Variants in CFAP298 observed in about 807,000 individuals in gnomAD.
The protein encoded by CFAP298 is cilia- and flagella-associated protein 298.
In CFAP298, 38 loss-of-function variants were observed where a neutral mutation model predicts 41.0. The observed-to-expected ratio is 0.93, with a 90% CI of 0.72 to 1.22. CFAP298 has a LOEUF of 1.22. Ranked by LOEUF, CFAP298 falls within the 50% of genes most tolerant of loss-of-function variation. The pLI is 0.00. For synonymous variants in CFAP298, 137 were observed against 135.3 expected (o/e 1.01, Z -0.09); for missense variants, 348 against 360.3 (o/e 0.97, Z 0.28).
intron 2 of CFAP298, 92 bp from the exon 3 acceptor site, chr21:32,607,808 T>C (rs1237338085): frequency 2.6e-6 from 2 of 766,652 alleles, no homozygotes; most frequent in African/African-American, 1.8e-5. Context: ...AGTCAGGGGG[T>C]AAATGAACTG....
At chr21:32,609,639 C>A (rs2038944084) in intron 2 of CFAP298, among the ~76,000 whole-genome samples, 199 bp downstream of exon 2, 1 of 152,170 alleles carries the variant, frequency 6.6e-6, no homozygotes, top group African/African-American at 2.4e-5. Context: ...GTGGCACATG[C>A]CTGTAGTCCC....
intron 3 of CFAP298, among the ~76,000 whole-genome samples, chr21:32,605,023 AC>A (rs1390182076): frequency 6.6e-6 from 1 of 152,230 alleles, no homozygotes; most frequent in African/African-American, 2.4e-5. Context: ...TACTAAAAAT[AC>A]AAAAATTAGC....
At chr21:32,609,438 G>A (rs910625140) in intron 2 of CFAP298, among the ~76,000 whole-genome samples, 13 of 152,200 alleles carry the variant, frequency 8.5e-5, no homozygotes, top group Non-Finnish European at 1.5e-5. Context: ...ACAGAGTACA[G>A]TATTTTGTAA....
Position 32,602,299 on chromosome 21 carries a change from GTACAGCATCAGCTGCTTCTGCTCCTCAC to G in CFAP298, c.707_734del (p.Ser236ThrfsTer21). On this transcript the variant is annotated frameshift_variant, in exon 6 of 7. Transcript: ENST00000290155. LOFTEE classifies it high-confidence loss of function. The stretch of plus-strand genomic sequence containing the variant: ...TGAGCTCCTCTTGTCTTCTGTGATA[GTACAGCATCAGCTGCTTCTGCTCCTCAC>G]TGCTAATAATAGGCTCTCGGGCTGG... 1 of 1,614,054 alleles carries G rather than the reference GTACAGCATCAGCTGCTTCTGCTCCTCAC, an allele frequency of 6.2e-7. No homozygotes were observed.
rs2038896507 is a variant in CFAP298, at chr21:32,607,636, T to TAA, written c.375+11_375+12dup. On this transcript the variant is annotated intron_variant, in intron 3 of 6. Transcript: ENST00000290155. ...ACCCAACAAGTTTTAGTGCATCATTTAAAAAAGCCAACCTTAGATATTATT... is the reference window on the plus strand; with the variant it reads ...ACCCAACAAGTTTTAGTGCATCATTTAAAAAAAAGCCAACCTTAGATATTATT... The TAA allele has an allele frequency of 6.6e-7, 1 of 1,518,402 alleles. No individual in the cohort carries two copies. The highest frequency in any genetic ancestry group is 1.4e-5 in the African/African-American group (1 of 70,658). The allele number at this position is 1,518,402 out of a possible 1,614,324, so 94.1% of individuals were successfully genotyped here.
intron 5 of CFAP298, chr21:32,602,801 C>T (rs2038773871): frequency 5.1e-6 from 7 of 1,362,618 alleles, no homozygotes; most frequent in African/African-American, 1.5e-5. Context: ...AACCTTTCCT[C>T]CTCCCCCTCC....
At chr21:32,606,883 A>C (rs999004496) in intron 3 of CFAP298, among the ~76,000 whole-genome samples, 3 of 152,198 alleles carry the variant, frequency 2.0e-5, no homozygotes, top group African/African-American at 7.2e-5. Context: ...CAATGGTATA[A>C]ATTTACGCTC....
Position 32,601,067 on chromosome 21 carries a change from TTAAAGAAGGCTACAGTTAGACCCC to T in CFAP298, c.*772_*795del. ...GCTACAGTTAGACCCCGCAGCAGGG[TTAAAGAAGGCTACAGTTAGACCCC>T]GCAGCAGGGTTAGAGAAGTCTCTCC... On this transcript the variant is annotated 3_prime_UTR_variant, in exon 7 of 7. Coordinates refer to ENST00000290155, the MANE Select transcript of CFAP298 (RefSeq NM_021254.4). 6.6e-6 allele frequency among the ~76,000 whole-genome samples: 1 copy of T among 151,128 alleles called. No individual in the cohort carries two copies. The highest frequency in any genetic ancestry group is 2.5e-5 in the African/African-American group (1 of 40,686).
chr21:32,599,904 C>A lies in CFAP298; in HGVS notation c.*1959G>T, dbSNP rs1275777713. 6.6e-6 allele frequency among the ~76,000 whole-genome samples: 1 copy of A among 152,164 alleles called. No individual in the cohort carries two copies. The stretch of plus-strand genomic sequence containing the variant: ...GGTATTTAAGGAGTGTAGTGTCATG[C>A]GTGAGTGACTTTTTGGTTAGTAAGT... On this transcript the variant is annotated 3_prime_UTR_variant, in exon 7 of 7. Transcript: ENST00000290155.
intron 1 of CFAP298, among the ~76,000 whole-genome samples, chr21:32,610,387 TAG>T (rs1190751919): frequency 6.6e-6 from 1 of 152,290 alleles, no homozygotes; most frequent in East Asian, 1.9e-4. Flanking sequence ...GTATTTTTAG[TAG>T]AGACTGGGTT....
At chr21:32,607,849 G>C in intron 2 of CFAP298, 133 bp from the exon 3 acceptor site, 1 of 585,822 alleles carries the variant, frequency 1.7e-6, no homozygotes, top group Non-Finnish European at 3.0e-6. Context: ...ATTTAGGGAA[G>C]AGAAGCAAGA....
In CFAP298 at chr21:32,601,236, T is replaced by TA. The variant is rs1013900100; in HGVS notation, c.*626dup. On this transcript the variant is annotated 3_prime_UTR_variant, in exon 7 of 7. Transcript: ENST00000290155. ...CTGCCAGTCATCAGCTTTCCTCCAA[T>TA]AAACCAGTTATCATGAGAATATAAA... is the stretch of plus-strand genomic sequence containing the variant. Among the ~76,000 whole-genome samples, 4 of 137,226 alleles carry TA rather than the reference T, an allele frequency of 2.9e-5. No homozygotes were observed. The highest frequency in any genetic ancestry group is 1.1e-4 in the African/African-American group (4 of 37,238). 90.0% of individuals were successfully genotyped at this position (137,226 alleles called of 152,430 possible).
At chr21:32,602,072 C>G (rs2038753860) in intron 6 of CFAP298, 99 bp from the exon 7 acceptor site, 1 of 904,216 alleles carries the variant, frequency 1.1e-6, no homozygotes, top group Non-Finnish European at 1.8e-6. Context: ...CCCCCTCTCC[C>G]TGCCCTCTAG....
rs1181224292 is a variant in CFAP298, at chr21:32,600,071, TTCTTACAAG to T, written c.*1783_*1791del. Among the ~76,000 whole-genome samples the T allele has an allele frequency of 6.6e-6, 1 of 152,182 alleles. No individual in the cohort carries two copies. Among genetic ancestry groups the T allele is most frequent in the South Asian group, 2.1e-4 (1 of 4,826 alleles). ...ATGATCACATGGCTTGGTTAACTGT[TTCTTACAAG>T]TCTGAGCATGAATTTAACACACACG... On this transcript the variant is annotated 3_prime_UTR_variant, in exon 7 of 7. Coordinates refer to ENST00000290155, the MANE Select transcript of CFAP298 (RefSeq NM_021254.4).
At chr21:32,611,566 C>G (rs951968985) in intron 1 of CFAP298, among the ~76,000 whole-genome samples, 48 of 151,892 alleles carry the variant, frequency 3.2e-4, no homozygotes, top group African/African-American at 1.1e-3. Flanking sequence ...GAAAGTTCTG[C>G]GGCAAAGCGG....
In CFAP298 at chr21:32,601,783, CCTTT is replaced by C. The variant is rs1224068141; in HGVS notation, c.*76_*79del. 1 of 734,754 alleles carries C rather than the reference CCTTT, an allele frequency of 1.4e-6. No individual in the cohort carries two copies. Among genetic ancestry groups the C allele is most frequent in the Non-Finnish European group, 2.3e-6 (1 of 428,376 alleles). The allele number at this position is 734,754 out of a possible 1,614,324, so 45.5% of individuals were successfully genotyped here. ...ATCTTTTACAGAGGGCAGTAAGTGG[CCTTT>C]TTTTTTTTTTTAAATTATAATTGCC... On this transcript the variant is annotated 3_prime_UTR_variant, in exon 7 of 7. Transcript: ENST00000290155.
At chr21:32,609,028 T>C (rs2038931447) in intron 2 of CFAP298, among the ~76,000 whole-genome samples, 1 of 152,204 alleles carries the variant, frequency 6.6e-6, no homozygotes, top group Non-Finnish European at 1.5e-5. Flanking sequence ...TTCCACATGA[T>C]CAGCCAAACA....
At chr21:32,611,783 A>G (rs1311129967) in intron 1 of CFAP298, among the ~76,000 whole-genome samples, 1 of 152,078 alleles carries the variant, frequency 6.6e-6, no homozygotes, top group African/African-American at 2.4e-5. Context: ...ACACGTGATT[A>G]ATTGCACTAA....
chr21:32,609,807 G>C (rs746097911), intron 2 of CFAP298, 31 bp downstream of exon 2: 1 of 1,586,868 alleles, frequency 6.3e-7, no homozygotes, highest in Admixed American at 1.7e-5. Flanking sequence ...CCTGTATCAA[G>C]CATGCACATA....
Sources: gnomAD v4.1 joint callset for allele counts (sites outside exome capture counted in the v4.1 genomes callset) on GRCh38, gnomAD v4.1.1 for gene constraint, MANE v1.5 for transcripts, NCBI Gene and HGNC (gene_info 2026-07-23, HGNC 2026-07-21) for gene names.